FAM83G: variants seen among roughly 807,000 people sequenced by gnomAD.
FAM83G encodes the protein scaffolding CK1 anchoring protein G.
Under a neutral mutation model 61.5 loss-of-function variants are expected in FAM83G, and 38 were observed. That is an observed-to-expected ratio of 0.62 (90% CI 0.48 to 0.81). FAM83G has a LOEUF of 0.81. Among genes scored for constraint, FAM83G ranks in the 30% least tolerant of loss-of-function variants. FAM83G has a pLI of 0.00. For synonymous variants in FAM83G, 470 were observed against 476.1 expected, an observed-to-expected ratio of 0.99 and a Z score of 0.17; for missense variants, 989 against 1,133.6, an observed-to-expected ratio of 0.87 and a Z score of 1.83.
chr17:18,981,207 C>T (rs1035317703), intron 3 of FAM83G, among the ~76,000 whole-genome samples: 10 of 152,170 alleles, frequency 6.6e-5, no homozygotes, highest in Non-Finnish European at 1.0e-4. Context: ...AAGGGCTGGC[C>T]GGGAGGCTCC....
chr17:18,979,318 C>A, intron 4 of FAM83G: 1 of 590,360 alleles, frequency 1.7e-6, no homozygotes, highest in Non-Finnish European at 2.9e-6. Flanking sequence ...TGGCCACACC[C>A]CACCTCCAGG....
chr17:18,980,709 G>C (rs1469931234), intron 3 of FAM83G, among the ~76,000 whole-genome samples: 3 of 152,148 alleles, frequency 2.0e-5, no homozygotes, highest in African/African-American at 7.2e-5. Context: ...CAAGTGTCGA[G>C]GATGGCCAAG....
At chr17:18,980,610 A>G (rs1318750930) in intron 3 of FAM83G, among the ~76,000 whole-genome samples, 1 of 152,172 alleles carries the variant, frequency 6.6e-6, no homozygotes, top group Admixed American at 6.5e-5. Flanking sequence ...CCCAGGTAGC[A>G]GGACCTGCTG....
rs1391013268 is a variant in FAM83G at position 18,971,550 on chromosome 17, G to A, written c.2281C>T (p.Pro761Ser). Residue 761 changes from proline to serine, a missense_variant, in exon 6 of 6, where the codon CCA becomes TCA. Pro to Ser is a moderately conservative substitution (Grantham distance 74). Around this residue, in one of 3 missense-constraint regions of FAM83G, gnomAD observed 574 missense variants for 645.1 expected, o/e 0.89. Transcript: ENST00000388995. The surrounding 1 kb of genome is among the most constrained non-coding windows in gnomAD (Gnocchi z 5.5). ...VPRLLPDPGS[P>S]RLAQNARPMT... ...GGGCGGGCATTTTGGGCCAGTCTTGGGCTGCCGGGATCCGGAAGCAGGCGG... is the reference window on the plus strand; with the variant it reads ...GGGCGGGCATTTTGGGCCAGTCTTGAGCTGCCGGGATCCGGAAGCAGGCGG... 1 of 1,613,902 alleles carries A rather than the reference G, an allele frequency of 6.2e-7. No individual in the cohort carries two copies.
intron 2 of FAM83G, among the ~76,000 whole-genome samples, chr17:19,002,823 A>G (rs2043765271): frequency 6.6e-6 from 1 of 152,170 alleles, no homozygotes; most frequent in Non-Finnish European, 1.5e-5. Context: ...ACAGGGGTGG[A>G]GAAGGGGAGG....
chr17:18,998,395 C>G (rs868682801), intron 2 of FAM83G, among the ~76,000 whole-genome samples: 1 of 152,258 alleles, frequency 6.6e-6, no homozygotes, highest in Non-Finnish European at 1.5e-5. Flanking sequence ...GGCCAGGACC[C>G]TCAGCTGCAG....
chr17:18,989,761 C>T (rs1461675466), intron 2 of FAM83G, among the ~76,000 whole-genome samples: 2 of 152,252 alleles, frequency 1.3e-5, no homozygotes. Flanking sequence ...CAGCCTCTCA[C>T]AGGCACCATG....
Position 18,969,480 on chromosome 17 carries a change from CT to C in FAM83G, c.*1878del, listed in dbSNP as rs112935959. The C allele has an allele frequency of 1.9e-4, 281 of 1,493,942 alleles. No homozygotes were observed. In the African/African-American group the frequency reaches 3.2e-3, roughly 17 times the overall value. 92.5% of individuals were successfully genotyped at this position (1,493,942 alleles called of 1,614,324 possible). On this transcript the variant is annotated 3_prime_UTR_variant, in exon 6 of 6. Transcript: ENST00000388995. ...GTCCCCACAGCGAGCCCTTTGGAGTCTGGCACTGCCCGGCACTGTGCAGGAT... is the reference window on the plus strand; with the variant it reads ...GTCCCCACAGCGAGCCCTTTGGAGTCGGCACTGCCCGGCACTGTGCAGGAT...
At chr17:18,989,734 T>C (rs1029928158) in intron 2 of FAM83G, among the ~76,000 whole-genome samples, 14 of 152,212 alleles carry the variant, frequency 9.2e-5, no homozygotes, top group Non-Finnish European at 2.1e-4. Context: ...CAGGGGGTCT[T>C]GTCAGCCTGA....
intron 3 of FAM83G, among the ~76,000 whole-genome samples, chr17:18,986,691 A>G (rs1567796966): frequency 6.6e-6 from 1 of 152,174 alleles, no homozygotes; most frequent in Non-Finnish European, 1.5e-5. Flanking sequence ...GGCTGGCCCC[A>G]GGTTAGGGTC....
At position 18,978,382 on chromosome 17, in the gene FAM83G, G is replaced by A; in HGVS notation, c.1284C>T (p.Tyr428=). 2 of 1,592,680 alleles carry A rather than the reference G, an allele frequency of 1.3e-6. No individual in the cohort carries two copies. The highest frequency in any genetic ancestry group is 1.1e-5 in the South Asian group (1 of 88,844). Residue 428 remains tyrosine (Y), a synonymous_variant, in exon 5 of 6, where the codon TAC becomes TAT. Coordinates refer to ENST00000388995, the MANE Select transcript of FAM83G (RefSeq NM_001039999.3). ...DPEPGSDILG[Y]INIIDPNIWN... ...AGATGTTGGGGTCGATGATATTGAT[G>A]TAGCCCAGGATGTCGCTGCCAGGCT...
chr17:19,005,523 G>C (rs1352457919), upstream of FAM83G, among the ~76,000 whole-genome samples: 1 of 152,144 alleles, frequency 6.6e-6, no homozygotes, highest in Non-Finnish European at 1.5e-5. Context: ...CAGTCTGCCC[G>C]GCACCAGGCC....
chr17:18,999,825 G>A (rs903706259), intron 2 of FAM83G, among the ~76,000 whole-genome samples: 1 of 152,220 alleles, frequency 6.6e-6, no homozygotes, highest in African/African-American at 2.4e-5. Context: ...GGCCACCGGC[G>A]CCTCACCTGC....
chr17:18,970,984 C>T lies in FAM83G; in HGVS notation c.*375G>A. ...GAGTCAGGGCCCCGCAACCACCAAA[C>T]TGTCCCTGTTCCACCCTGACCCCTC... On this transcript the variant is annotated 3_prime_UTR_variant, in exon 6 of 6. Coordinates refer to ENST00000388995, the MANE Select transcript of FAM83G (RefSeq NM_001039999.3). 6.2e-7 allele frequency: 1 copy of T among 1,609,550 alleles called. No homozygotes were observed. Among genetic ancestry groups the T allele is most frequent in the Non-Finnish European group, 8.5e-7 (1 of 1,176,436 alleles).
rs117870528 is a variant in FAM83G, at chr17:18,983,117, G to A, written c.691-3444C>T. ...CCAGGACTGTCAGCCGTACTGGGTG[G>A]GTGGTTGGTGGGCTCAGGTAGGGAA... On this transcript the variant is annotated intron_variant, in intron 3 of 5. Coordinates refer to ENST00000388995, the MANE Select transcript of FAM83G (RefSeq NM_001039999.3). Among the ~76,000 whole-genome samples the A allele has an allele frequency of 4.3e-3, 651 of 152,350 alleles. 12 individuals carry two copies. Among genetic ancestry groups the A allele is most frequent in the Admixed American group, 0.037 (559 of 15,310 alleles).
chr17:18,969,155 C>T lies in FAM83G; in HGVS notation c.*2204G>A. On this transcript the variant is annotated 3_prime_UTR_variant, in exon 6 of 6. Coordinates refer to ENST00000388995, the MANE Select transcript of FAM83G (RefSeq NM_001039999.3). ...GGCATCACAGCCCTGTACACCATCG[C>T]AGGTATGGTGCCTGCAGCAGGGAGG... 6.2e-7 allele frequency: 1 copy of T among 1,613,526 alleles called. No homozygotes were observed. The highest frequency in any genetic ancestry group is 8.5e-7 in the Non-Finnish European group (1 of 1,179,732).
intron 5 of FAM83G, chr17:18,976,872 C>T: frequency 6.2e-7 from 1 of 1,613,598 alleles, no homozygotes; most frequent in South Asian, 1.1e-5. Context: ...GCAGCGATCA[C>T]TGTCAGCCCG....
chr17:18,999,640 C>G (rs1374164074), intron 2 of FAM83G, among the ~76,000 whole-genome samples: 2 of 152,252 alleles, frequency 1.3e-5, no homozygotes, highest in Non-Finnish European at 2.9e-5. Flanking sequence ...CCTCATTAAG[C>G]TGCTTCTATT....
Position 18,978,746 on chromosome 17 carries a change from G to A in FAM83G, c.920C>T (p.Ser307Leu), listed in dbSNP as rs2043054005. 6.2e-7 allele frequency: 1 copy of A among 1,612,882 alleles called. No homozygotes were observed. The highest frequency in any genetic ancestry group is 1.3e-5 in the African/African-American group (1 of 74,914). ...GATGCCCTTGAGGCTCACACTGTGT[G>A]ACATGAGGTACAGCTCCTGGAACTG... ...DRQFQELYLM[S>L]HSVSLKGIPM... The change falls in exon 5 of 6, where the codon TCA becomes TTA. Residue 307 changes from serine to leucine, a missense_variant. By Grantham distance (145) the Ser-to-Leu change is moderately radical. Around this residue, in one of 3 missense-constraint regions of FAM83G, gnomAD observed 44 missense variants for 83.9 expected, o/e 0.52. Transcript: ENST00000388995.
Sources: gnomAD v4.1 joint callset for allele counts (sites outside exome capture counted in the v4.1 genomes callset) on GRCh38, gnomAD v4.1.1 for gene constraint, gnomAD v4.1.1 regional missense constraint, Gnocchi (gnomAD v3.1) non-coding constraint, MANE v1.5 for transcripts, NCBI Gene and HGNC (gene_info 2026-07-23, HGNC 2026-07-21) for gene names.